The following PELI3 variants were observed in gnomAD, a reference collection of about 807,000 sequenced individuals.
PELI3 encodes pellino E3 ubiquitin protein ligase family member 3.
Under a neutral mutation model 35.5 loss-of-function variants are expected in PELI3, and 19 were observed. That is an observed-to-expected ratio of 0.54 (90% CI 0.37 to 0.79). PELI3 has a LOEUF of 0.79. Ranked by LOEUF, PELI3 falls within the 30% of genes least tolerant of loss-of-function variation. The probability of loss-of-function intolerance (pLI) is 0.00; values close to 1 mark genes in which losing one functional copy is unlikely to be tolerated. For synonymous variants in PELI3, 262 were observed against 279.2 expected, an observed-to-expected ratio of 0.94 and a Z score of 0.62; for missense variants, 490 against 661.2, an observed-to-expected ratio of 0.74 and a Z score of 2.84.
At position 66,467,299 on chromosome 11, in the gene PELI3, C is replaced by T. The variant is rs1590715059; in HGVS notation, c.-2+272C>T. 2 of 151,468 alleles carry T rather than the reference C, an allele frequency of 1.3e-5. No homozygotes were observed. Among genetic ancestry groups the T allele is most frequent in the East Asian group, 2.0e-4 (1 of 5,118 alleles). The allele number at this position is 151,468 out of a possible 1,614,324, so 9.4% of individuals were successfully genotyped here. A position where few individuals can be genotyped will look rare whatever the true frequency, so the allele number is the denominator to read the frequency against. Reference sequence around the variant, plus strand: ...TAGGTGCTGGGCCGCGGTTCCCGTTCTGCCCGCCCGGGGCGCAGGGCGCGG... The same window carrying T: ...TAGGTGCTGGGCCGCGGTTCCCGTTTTGCCCGCCCGGGGCGCAGGGCGCGG... On this transcript the variant is annotated intron_variant, in intron 1 of 7. Transcript: ENST00000320740. The surrounding 1 kb of genome is among the most constrained non-coding windows in gnomAD (Gnocchi z 4.2).
At chr11:66,466,631 A>T (rs182642387), upstream of PELI3, 450 of 152,292 alleles carry the variant, frequency 3.0e-3, no homozygotes, top group South Asian at 7.0e-3. Flanking sequence ...GGTCGTGTAG[A>T]CTACGGGGGA....
rs757406108 is a variant in PELI3, at chr11:66,467,463, C to T, written c.-2+436C>T. On this transcript the variant is annotated intron_variant, in intron 1 of 7. Transcript: ENST00000320740. The surrounding 1 kb of genome is among the most constrained non-coding windows in gnomAD (Gnocchi z 4.2). ...CCTGAGACCCGGGCGGCTGGGGACG[C>T]AGACAGACACCTGAGGGAGGGAAGA... is the stretch of plus-strand genomic sequence containing the variant. 6.6e-6 allele frequency: 1 copy of T among 152,232 alleles called. No homozygotes were observed. Among genetic ancestry groups the T allele is most frequent in the Non-Finnish European group, 1.5e-5 (1 of 68,132 alleles). The allele number at this position is 152,232 out of a possible 1,614,324, so 9.4% of individuals were successfully genotyped here. A position where few individuals can be genotyped will look rare whatever the true frequency, so the allele number is the denominator to read the frequency against.
chr11:66,473,719 T>C lies in PELI3; in HGVS notation c.652-18T>C. Reference sequence around the variant, plus strand: ...GGGGCCCCTGGGGGATGTGATCTGATCCCTCATGTGGTCCCAGGAGCGAGC... The same window carrying C: ...GGGGCCCCTGGGGGATGTGATCTGACCCCTCATGTGGTCCCAGGAGCGAGC... On this transcript the variant is annotated intron_variant, in intron 6 of 7. Coordinates refer to ENST00000320740, the MANE Select transcript of PELI3 (RefSeq NM_145065.3). This position sits in a 1 kb window ranked among gnomAD's most constrained non-coding sequence, Gnocchi z 5.8. The C allele has an allele frequency of 6.2e-7, 1 of 1,612,576 alleles. No individual in the cohort carries two copies. Among genetic ancestry groups the C allele is most frequent in the African/African-American group, 1.3e-5 (1 of 75,012 alleles).
intron 2 of PELI3, 100 bp from the exon 3 acceptor site, chr11:66,468,733 A>G (rs1565256963): frequency 3.3e-6 from 2 of 601,368 alleles, no homozygotes; most frequent in Non-Finnish European, 6.2e-6. Flanking sequence ...TGATTTCTGT[A>G]AAGTACATAG....
At chr11:66,472,949 C>T (rs1486943942) in intron 5 of PELI3, among the ~76,000 whole-genome samples, 1 of 152,208 alleles carries the variant, frequency 6.6e-6, no homozygotes, top group Non-Finnish European at 1.5e-5. Context: ...TTTGAGCACC[C>T]TCTTATAATT....
intron 7 of PELI3, 75 bp from the exon 8 acceptor site, chr11:66,475,523 G>A: frequency 6.6e-7 from 1 of 1,521,950 alleles, no homozygotes; most frequent in Non-Finnish European, 9.0e-7. Flanking sequence ...TCCTCTCCAG[G>A]GAGGCTCTGT....
chr11:66,473,400 G>T lies in PELI3; in HGVS notation c.616G>T (p.Ala206Ser). The change falls in exon 6 of 8, where the codon GCT becomes TCT. Residue 206 changes from alanine (A) to serine (S), a missense_variant. Transcript: ENST00000320740. The surrounding 1 kb of genome is among the most constrained non-coding windows in gnomAD (Gnocchi z 5.8). ...RPPYTARIYAAGFDASSNIFL... is the reference protein window; with the variant it reads ...RPPYTARIYASGFDASSNIFL... Reference sequence around the variant, plus strand: ...ACCCTATACTGCCCGCATCTATGCCGCTGGCTTCGATGCCTCTAGCAACAT... The same window carrying T: ...ACCCTATACTGCCCGCATCTATGCCTCTGGCTTCGATGCCTCTAGCAACAT... The T allele has an allele frequency of 6.2e-7, 1 of 1,613,142 alleles. No homozygotes were observed. Among genetic ancestry groups the T allele is most frequent in the Non-Finnish European group, 8.5e-7 (1 of 1,179,802 alleles).
At position 66,471,305 on chromosome 11, in the gene PELI3, C is replaced by G. The variant is rs774703202; in HGVS notation, c.288C>G (p.Arg96=). ...GRRRSRLALS[R]RSHANGVKPD... ...GGCGAAGCCGCCTGGCACTGAGCCG[C>G]CGGTCGCACGCCAACGGGGTGAAGC... is the stretch of plus-strand genomic sequence containing the variant. Residue 96 remains arginine (R), a synonymous_variant, in exon 4 of 8, where the codon CGC becomes CGG. Transcript: ENST00000320740. 6.2e-7 allele frequency: 1 copy of G among 1,614,016 alleles called. No homozygotes were observed. Among genetic ancestry groups the G allele is most frequent in the Non-Finnish European group, 8.5e-7 (1 of 1,179,996 alleles).
chr11:66,471,414 C>T, intron 4 of PELI3, 43 bp downstream of exon 4: 1 of 1,604,072 alleles, frequency 6.2e-7, no homozygotes, highest in Non-Finnish European at 8.5e-7. Context: ...CCCTCCCTGC[C>T]CAAGGCCCAG....
chr11:66,475,887 G>A lies in PELI3; in HGVS notation c.1130G>A (p.Arg377Gln), dbSNP rs774879559. ...CACGGCTGGGGCTGCCGGCGGGAGC[G>A]GGGCCCCCAGGAGCGCGAATGTCCT... ...GYHGWGCRRE[R>Q]GPQERECPLC... The change falls in exon 8 of 8, where the codon CGG (arginine) becomes CAG (glutamine). Residue 377 changes from arginine to glutamine, a missense_variant. Around this residue, in one of 3 missense-constraint regions of PELI3, gnomAD observed 349 missense variants for 484.8 expected, o/e 0.72. Transcript: ENST00000320740. The A allele has an allele frequency of 3.9e-5, 63 of 1,605,288 alleles. No homozygotes were observed. In the Middle Eastern group the frequency reaches 2.0e-3, roughly 51 times the overall value.
chr11:66,474,070 G>C, intron 7 of PELI3, 145 bp downstream of exon 7: 3 of 1,106,010 alleles, frequency 2.7e-6, no homozygotes, highest in Non-Finnish European at 4.0e-6. Context: ...CCCAGGCCCA[G>C]GGGGTTCTTA....
At position 66,473,590 on chromosome 11, in the gene PELI3, C is replaced by G; in HGVS notation, c.652-147C>G. On this transcript the variant is annotated intron_variant, in intron 6 of 7. Coordinates refer to ENST00000320740, the MANE Select transcript of PELI3 (RefSeq NM_145065.3). This position sits in a 1 kb window ranked among gnomAD's most constrained non-coding sequence, Gnocchi z 5.8. ...CACCTAACTGATGAGCAAAGTGAGG[C>G]CCAGAGAGACGCTCAAGTCATGCAG... 4 of 1,316,624 alleles carry G rather than the reference C, an allele frequency of 3.0e-6. No homozygotes were observed. Among genetic ancestry groups the G allele is most frequent in the Non-Finnish European group, 4.1e-6 (4 of 971,034 alleles). The allele number at this position is 1,316,624 out of a possible 1,614,324, so 81.6% of individuals were successfully genotyped here.
At chr11:66,469,025 G>T in intron 3 of PELI3, 121 bp downstream of exon 3, 2 of 540,332 alleles carry the variant, frequency 3.7e-6, no homozygotes, top group South Asian at 4.3e-5. Context: ...GAGAGAGGAA[G>T]CAACGTGATC....
Position 66,476,263 on chromosome 11 carries a change from T to C in PELI3, c.*96T>C. On this transcript the variant is annotated 3_prime_UTR_variant, in exon 8 of 8. Coordinates refer to ENST00000320740, the MANE Select transcript of PELI3 (RefSeq NM_145065.3). ...GCTCTGCATGTGGGACACTCCCTGCTGGCACAGCCACACCAGATGGACATG... is the reference window on the plus strand; with the variant it reads ...GCTCTGCATGTGGGACACTCCCTGCCGGCACAGCCACACCAGATGGACATG... 7.8e-7 allele frequency: 1 copy of C among 1,284,452 alleles called. No individual in the cohort carries two copies. The allele number at this position is 1,284,452 out of a possible 1,614,324, so 79.6% of individuals were successfully genotyped here.
rs776497641 is a variant in PELI3, at chr11:66,473,438, G to T, written c.651+3G>T. The stretch of plus-strand genomic sequence containing the variant: ...CCTCTAGCAACATCTTCCTTGGAGT[G>T]AGTGAGCCCCAGGAAGGGACCAACT... On this transcript the variant is annotated splice_donor_region_variant and intron_variant, in intron 6 of 7. Transcript: ENST00000320740. This position sits in a 1 kb window ranked among gnomAD's most constrained non-coding sequence, Gnocchi z 5.8. 2 of 1,606,044 alleles carry T rather than the reference G, an allele frequency of 1.2e-6. No homozygotes were observed. The highest frequency in any genetic ancestry group is 1.1e-5 in the South Asian group (1 of 90,660).
intron 7 of PELI3, chr11:66,474,691 T>C (rs1177408076): frequency 6.6e-6 from 1 of 152,268 alleles, no homozygotes; most frequent in Non-Finnish European, 1.5e-5. Flanking sequence ...TGCCACGCAC[T>C]GTTCTAAGTT....
chr11:66,471,467 C>T, intron 4 of PELI3, 96 bp downstream of exon 4: 2 of 1,474,614 alleles, frequency 1.4e-6, no homozygotes, highest in Non-Finnish European at 1.8e-6. Flanking sequence ...GCCCCCACAC[C>T]TTAACAGGGG....
chr11:66,474,007 G>T (rs1305687536), intron 7 of PELI3, 82 bp downstream of exon 7: 1 of 1,544,672 alleles, frequency 6.5e-7, no homozygotes, highest in Non-Finnish European at 8.8e-7. Context: ...GCCAGGAGAT[G>T]ATCTCCAGTC....
At chr11:66,471,734 A>G (rs1225046653) in intron 4 of PELI3, among the ~76,000 whole-genome samples, 3 of 152,122 alleles carry the variant, frequency 2.0e-5, no homozygotes, top group African/African-American at 7.2e-5. Context: ...CTGCAATGAT[A>G]AAGGAAAAAC....
Sources: gnomAD v4.1 joint callset for allele counts (sites outside exome capture counted in the v4.1 genomes callset) on GRCh38, gnomAD v4.1.1 for gene constraint, gnomAD v4.1.1 regional missense constraint, Gnocchi (gnomAD v3.1) non-coding constraint, MANE v1.5 for transcripts, NCBI Gene and HGNC (gene_info 2026-07-23, HGNC 2026-07-21) for gene names.